The following PDE4D variants were observed in gnomAD, a reference collection of about 807,000 sequenced individuals.
PDE4D encodes the protein 3',5'-cyclic-AMP phosphodiesterase 4D.
In PDE4D, 24 loss-of-function variants were observed where a neutral mutation model predicts 87.4. The ratio of observed to expected loss-of-function variants is 0.27; its 90% CI spans 0.20 to 0.39. The LOEUF (loss-of-function observed/expected upper bound fraction) is 0.39. Ranked by LOEUF, PDE4D falls within the 10% of genes least tolerant of loss-of-function variation. The pLI, the probability that PDE4D is intolerant of heterozygous loss-of-function variation, is 1.00. For missense variants in PDE4D, 714 were observed against 1,041.0 expected, an observed-to-expected ratio of 0.69 and a Z score of 4.32; for synonymous variants, 384 against 383.2, an observed-to-expected ratio of 1.00 and a Z score of -0.02.
chr5:59,904,687 T>C (rs1240015635), intron 3 of PDE4D, among the ~76,000 whole-genome samples: 1 of 152,168 alleles, frequency 6.6e-6, no homozygotes, highest in African/African-American at 2.4e-5. Flanking sequence ...ACTAGTTTCT[T>C]AATCTGTCCT....
rs1051794372 is a variant in PDE4D at position 59,735,754 on chromosome 5, C to T, written c.455+157414G>A. The stretch of plus-strand genomic sequence containing the variant: ...CGATCTCAGCTCACTGAAACCTCCA[C>T]CTCCCTGGTTCAAGTGATTCTCCTG... On this transcript the variant is annotated intron_variant, in intron 1 of 14. Coordinates refer to ENST00000340635, the MANE Select transcript of PDE4D (RefSeq NM_001104631.2). Among the ~76,000 whole-genome samples, 9 of 152,120 alleles carry T rather than the reference C, an allele frequency of 5.9e-5. No individual in the cohort carries two copies. In the East Asian group the frequency reaches 1.7e-3, roughly 29 times the overall value.
At chr5:60,460,422 A>T (rs1746833460) in intron 1 of PDE4D, 1 of 1,261,348 alleles carries the variant, frequency 7.9e-7, no homozygotes, top group African/African-American at 1.5e-5. Context: ...CCAGCAGGGC[A>T]GACACTTGTG....
intron 2 of PDE4D, among the ~76,000 whole-genome samples, chr5:59,196,185 A>T (rs560822303): frequency 1.0e-3 from 157 of 152,374 alleles, no homozygotes; most frequent in African/African-American, 3.4e-3. Flanking sequence ...ATCAGCTGTT[A>T]CAACAATGTT....
At chr5:59,406,367 GTCTCCCT>G in intron 1 of PDE4D, among the ~76,000 whole-genome samples, 1 of 140,560 alleles carries the variant, frequency 7.1e-6, no homozygotes, top group Non-Finnish European at 1.5e-5. Flanking sequence ...TGCTTGTAAC[GTCTCCCT>G]TATCTTTCCT....
At chr5:60,470,123 C>G (rs1317650929) in intron 1 of PDE4D, among the ~76,000 whole-genome samples, 1 of 152,104 alleles carries the variant, frequency 6.6e-6, no homozygotes, top group Non-Finnish European at 1.5e-5. Context: ...GCAAAACAGC[C>G]TTATTGCTCA....
chr5:60,410,219 T>C (rs1296275274), intron 1 of PDE4D, among the ~76,000 whole-genome samples: 1 of 152,078 alleles, frequency 6.6e-6, no homozygotes, highest in African/African-American at 2.4e-5. Flanking sequence ...TAGCAAAGGC[T>C]GGGTGTGGAG....
chr5:59,962,558 A>G (rs1167701735), intron 3 of PDE4D, among the ~76,000 whole-genome samples: 1 of 124,210 alleles, frequency 8.1e-6, no homozygotes, highest in Non-Finnish European at 1.8e-5. Flanking sequence ...TTTGATAACA[A>G]TGTTAAGAAT....
At chr5:59,011,492 G>A (rs886288835) in intron 6 of PDE4D, among the ~76,000 whole-genome samples, 2 of 152,172 alleles carry the variant, frequency 1.3e-5, no homozygotes, top group African/African-American at 2.4e-5. Flanking sequence ...AGAACTACAT[G>A]ATGCATTCAC....
intron 1 of PDE4D, among the ~76,000 whole-genome samples, chr5:59,405,392 T>C (rs977035616): frequency 2.0e-5 from 3 of 152,236 alleles, no homozygotes; most frequent in African/African-American, 4.8e-5. Context: ...CATTGGCATA[T>C]AGAAATGCTA....
In PDE4D at chr5:59,860,921, C is replaced by T. The variant is rs994000066; in HGVS notation, c.455+32247G>A. On this transcript the variant is annotated intron_variant, in intron 1 of 14. Coordinates refer to ENST00000340635, the MANE Select transcript of PDE4D (RefSeq NM_001104631.2). ...TTGCCCAGGCTGGAGTGCAATGGTACGACCTTGGCTCACTGCAACCTCTGC... is the reference window on the plus strand; with the variant it reads ...TTGCCCAGGCTGGAGTGCAATGGTATGACCTTGGCTCACTGCAACCTCTGC... Among the ~76,000 whole-genome samples the T allele has an allele frequency of 8.6e-5, 13 of 151,530 alleles. 2 individuals carry two copies. The highest frequency in any genetic ancestry group is 7.3e-5 in the African/African-American group (3 of 41,224).
chr5:60,412,146 G>A (rs1742096407), intron 1 of PDE4D, among the ~76,000 whole-genome samples: 1 of 151,954 alleles, frequency 6.6e-6, no homozygotes, highest in Non-Finnish European at 1.5e-5. Context: ...TTCAGTCTCA[G>A]GACAATAGGA....
At chr5:59,942,448 T>C (rs1757285834) in intron 3 of PDE4D, among the ~76,000 whole-genome samples, 1 of 152,172 alleles carries the variant, frequency 6.6e-6, no homozygotes, top group Non-Finnish European at 1.5e-5. Context: ...GGAAGCCCTT[T>C]AATCAGCATT....
At chr5:59,518,689 A>T (rs1375326659) in intron 1 of PDE4D, among the ~76,000 whole-genome samples, 9 of 152,238 alleles carry the variant, frequency 5.9e-5, no homozygotes, top group Non-Finnish European at 1.3e-4. Flanking sequence ...CAATTCAGGC[A>T]TTCGACTACC....
Position 59,068,312 on chromosome 5 carries a change from GAC to G in PDE4D, c.809-29343_809-29342del, listed in dbSNP as rs1020847882. 2.0e-4 allele frequency among the ~76,000 whole-genome samples: 30 copies of G among 152,154 alleles called. 1 individual carries two copies. Among genetic ancestry groups the G allele is most frequent in the Non-Finnish European group, 7.3e-5 (5 of 68,032 alleles). On this transcript the variant is annotated intron_variant, in intron 5 of 14. Transcript: ENST00000340635. ...AATCATTGTCTATACAGACAATTGA[GAC>G]ACTAAAACTTTTTTTTAAGTATTTT... is the stretch of plus-strand genomic sequence containing the variant.
intron 5 of PDE4D, among the ~76,000 whole-genome samples, chr5:59,060,428 T>G (rs547372665): frequency 3.9e-5 from 6 of 152,256 alleles, no homozygotes; most frequent in Non-Finnish European, 7.4e-5. Context: ...TCCTATTCAC[T>G]CATGATATAG....
chr5:59,600,750 C>A (rs535180347), intron 1 of PDE4D, among the ~76,000 whole-genome samples: 5 of 152,216 alleles, frequency 3.3e-5, no homozygotes, highest in African/African-American at 9.6e-5. Flanking sequence ...AAAATAAGAT[C>A]TTTAAGTTAA....
intron 5 of PDE4D, among the ~76,000 whole-genome samples, chr5:59,042,376 T>C (rs1229828724): frequency 1.3e-5 from 2 of 152,104 alleles, no homozygotes; most frequent in Non-Finnish European, 2.9e-5. Context: ...CCACAGGAAA[T>C]TGAGTCACCA....
At chr5:58,979,811 C>T (rs891197729) in intron 11 of PDE4D, among the ~76,000 whole-genome samples, 1 of 152,130 alleles carries the variant, frequency 6.6e-6, no homozygotes, top group African/African-American at 2.4e-5. Flanking sequence ...CGCATTCTAC[C>T]TTTTTTGTCT....
intron 1 of PDE4D, chr5:59,768,738 G>T: frequency 9.6e-7 from 1 of 1,039,298 alleles, no homozygotes; most frequent in Non-Finnish European, 1.3e-6. Context: ...CCCTGCCAAA[G>T]ATCACTGACA....
Sources: allele counts gnomAD v4.1 joint callset (sites outside exome capture counted in the v4.1 genomes callset), GRCh38; gene constraint gnomAD v4.1.1; transcripts MANE v1.5; gene names NCBI Gene and HGNC (gene_info 2026-07-23, HGNC 2026-07-21).